LYPLAL1: variants seen among roughly 807,000 people sequenced by gnomAD.
The protein encoded by LYPLAL1 is lysophospholipase-like protein 1.
LYPLAL1 carries 23 observed loss-of-function variants against 19.7 expected under a neutral mutation model. The observed-to-expected ratio is 1.17, with a 90% CI of 0.84 to 1.65. The LOEUF is 1.65. LYPLAL1 is among the 40% of genes most tolerant of loss of function. The pLI is 0.00. For missense variants in LYPLAL1, 355 were observed against 279.4 expected, an observed-to-expected ratio of 1.27 and a Z score of -1.93; for synonymous variants, 119 against 96.3, an observed-to-expected ratio of 1.24 and a Z score of -1.38.
chr1:219,189,635 T>C (rs886283987), intron 2 of LYPLAL1, among the ~76,000 whole-genome samples: 3 of 151,514 alleles, frequency 2.0e-5, no homozygotes, highest in African/African-American at 4.8e-5. Flanking sequence ...TTTATGCTTA[T>C]TGGAGTCCTA....
At chr1:219,363,817 C>T in the LYPLAL1 span, among the ~76,000 whole-genome samples, 1 of 152,138 alleles carries the variant, frequency 6.6e-6, no homozygotes, top group Non-Finnish European at 1.5e-5. Flanking sequence ...TAACTTTCTT[C>T]TCATACTCAG....
chr1:219,337,917 CAT>C, the LYPLAL1 span, among the ~76,000 whole-genome samples: 1 of 152,060 alleles, frequency 6.6e-6, no homozygotes, highest in African/African-American at 2.4e-5. Context: ...AAAAGACACA[CAT>C]GTGAGTTCCA....
the LYPLAL1 span, among the ~76,000 whole-genome samples, chr1:219,303,247 C>T: frequency 6.6e-6 from 1 of 152,190 alleles, no homozygotes; most frequent in African/African-American, 2.4e-5. Context: ...ATGTTCCAGG[C>T]ACTGATCTAG....
the LYPLAL1 span, among the ~76,000 whole-genome samples, chr1:219,259,410 T>TATATATATATATATATGTATATATAC: frequency 1.1e-3 from 1 of 892 alleles, no homozygotes; most frequent in African/African-American, 1.8e-3. Context: ...TATATATACA[T>TATATATATATATATATGTATATATAC]ATATATATAT....
At chr1:219,392,346 G>A in the LYPLAL1 span, among the ~76,000 whole-genome samples, 1 of 152,182 alleles carries the variant, frequency 6.6e-6, no homozygotes, top group East Asian at 1.9e-4. Context: ...TATTACTACA[G>A]TAGGCAAAAT....
the LYPLAL1 span, chr1:219,435,553 T>C: frequency 6.6e-6 from 1 of 152,182 alleles, no homozygotes; most frequent in Non-Finnish European, 1.5e-5. Flanking sequence ...CTGGGTGCGG[T>C]GGCTCATGCC....
chr1:219,198,682 C>T (rs1273233276), intron 3 of LYPLAL1: 1 of 151,948 alleles, frequency 6.6e-6, no homozygotes, highest in African/African-American at 2.4e-5. Context: ...ACCATTTCTC[C>T]CCTTTTCATT....
At chr1:219,220,612 C>T in the LYPLAL1 span, among the ~76,000 whole-genome samples, 1 of 152,106 alleles carries the variant, frequency 6.6e-6, no homozygotes, top group African/African-American at 2.4e-5. Flanking sequence ...ACCAAACTGC[C>T]TTACTAAGGC....
At chr1:219,404,843 C>T in the LYPLAL1 span, among the ~76,000 whole-genome samples, 1 of 152,182 alleles carries the variant, frequency 6.6e-6, no homozygotes, top group Non-Finnish European at 1.5e-5. Flanking sequence ...CCATGATTTG[C>T]TCATTACACA....
the LYPLAL1 span, among the ~76,000 whole-genome samples, chr1:219,292,286 CCTG>C: frequency 6.6e-6 from 1 of 152,120 alleles, no homozygotes; most frequent in African/African-American, 2.4e-5. Context: ...GATAGTATGC[CCTG>C]AAGTTCACAA....
chr1:219,387,365 A>AGAG, the LYPLAL1 span, among the ~76,000 whole-genome samples: 9 of 152,178 alleles, frequency 5.9e-5, no homozygotes, highest in Admixed American at 5.9e-4. Flanking sequence ...TTAAACAAAG[A>AGAG]CTCTTGCCCA....
intron 2 of LYPLAL1, among the ~76,000 whole-genome samples, chr1:219,187,956 A>T (rs1656858711): frequency 6.6e-6 from 1 of 151,874 alleles, no homozygotes; most frequent in African/African-American, 2.4e-5. Flanking sequence ...TGATTTTTTA[A>T]AAAAGAAACA....
chr1:219,439,974 C>CACATATATATATATAT, the LYPLAL1 span, among the ~76,000 whole-genome samples: 2 of 100,180 alleles, frequency 2.0e-5, no homozygotes, highest in African/African-American at 8.8e-5. Flanking sequence ...TATATATATA[C>CACATATATATATATAT]ATATATATAT....
In LYPLAL1 at chr1:219,179,058, C is replaced by T; in HGVS notation, c.92-89C>T. On this transcript the variant is annotated intron_variant, in intron 1 of 4. Transcript: ENST00000366928. ...AGCTTTTTTAAATCCTTTATTCCAT[C>T]CTCTGTGTGACATAAAAGTTTTAGA... 5.0e-6 allele frequency: 4 copies of T among 798,806 alleles called. 1 individual carries two copies. In the South Asian group the frequency reaches 6.0e-5, roughly 12 times the overall value. The allele number at this position is 798,806 out of a possible 1,614,324, so 49.5% of individuals were successfully genotyped here. A position where few individuals can be genotyped will look rare whatever the true frequency, so the allele number is the denominator to read the frequency against.
chr1:219,329,621 T>C, the LYPLAL1 span, among the ~76,000 whole-genome samples: 11 of 152,186 alleles, frequency 7.2e-5, no homozygotes, highest in African/African-American at 2.7e-4. Flanking sequence ...AAGGCATGAG[T>C]GGGTTTTCTC....
the LYPLAL1 span, among the ~76,000 whole-genome samples, chr1:219,394,481 C>A: frequency 1.3e-5 from 2 of 152,208 alleles, no homozygotes; most frequent in Non-Finnish European, 2.9e-5. Flanking sequence ...TAAACCAGAA[C>A]TCCCCATCAC....
the LYPLAL1 span, among the ~76,000 whole-genome samples, chr1:219,251,141 A>G: frequency 6.6e-6 from 1 of 151,598 alleles, no homozygotes; most frequent in Admixed American, 6.6e-5. Flanking sequence ...TGTTTTTCTC[A>G]TAAATTTGTT....
the LYPLAL1 span, among the ~76,000 whole-genome samples, chr1:219,254,818 T>C: frequency 2.0e-5 from 3 of 152,050 alleles, no homozygotes; most frequent in Non-Finnish European, 2.9e-5. Context: ...TGTTGGCCTC[T>C]CTAGCAAGGT....
At chr1:219,424,333 AT>A in the LYPLAL1 span, among the ~76,000 whole-genome samples, 1 of 152,192 alleles carries the variant, frequency 6.6e-6, no homozygotes, top group Non-Finnish European at 1.5e-5. Context: ...CTAAAATCAA[AT>A]TTCAAATGGC....
Sources: gnomAD v4.1 joint callset for allele counts (sites outside exome capture counted in the v4.1 genomes callset) on GRCh38, gnomAD v4.1.1 for gene constraint, MANE v1.5 for transcripts, NCBI Gene and HGNC (gene_info 2026-07-23, HGNC 2026-07-21) for gene names.